SNX18: variants seen among roughly 807,000 people sequenced by gnomAD.
SNX18 encodes the protein sorting nexin-18.
SNX18 carries 35 observed loss-of-function variants against 48.7 expected under a neutral mutation model. The ratio of observed to expected loss-of-function variants is 0.72; its 90% CI spans 0.55 to 0.95. The LOEUF (loss-of-function observed/expected upper bound fraction) is 0.95, where lower values mean the gene tolerates loss of function less well. SNX18 is among the 40% of genes least tolerant of loss of function. The pLI, the probability that SNX18 is intolerant of heterozygous loss-of-function variation, is 0.00. For missense variants in SNX18, 824 were observed against 871.0 expected, an observed-to-expected ratio of 0.95 and a Z score of 0.68; for synonymous variants, 492 against 384.7, an observed-to-expected ratio of 1.28 and a Z score of -3.26.
intron 1 of SNX18, among the ~76,000 whole-genome samples, chr5:54,536,737 A>G (rs556668474): frequency 5.9e-5 from 9 of 152,348 alleles, no homozygotes; most frequent in African/African-American, 1.9e-4. Context: ...TCCTTTGGAT[A>G]TATACCCAGT....
the SNX18 span, among the ~76,000 whole-genome samples, chr5:54,584,046 CTTTTTT>C: frequency 9.0e-6 from 1 of 110,650 alleles, no homozygotes; most frequent in African/African-American, 3.4e-5. Context: ...GTGTGTAGCT[CTTTTTT>C]TTTTTTTTTT....
the SNX18 span, among the ~76,000 whole-genome samples, chr5:54,623,989 C>T: frequency 5.3e-5 from 8 of 152,080 alleles, no homozygotes; most frequent in African/African-American, 1.7e-4. Context: ...TTAAAGTGTG[C>T]TCAGTTCATT....
the SNX18 span, among the ~76,000 whole-genome samples, chr5:54,630,460 G>C: frequency 3.9e-5 from 6 of 152,134 alleles, no homozygotes; most frequent in Non-Finnish European, 7.4e-5. Flanking sequence ...CCATCTTGGC[G>C]AAAGTGCTGC....
rs1761910289 is a variant in SNX18, at chr5:54,518,176, C to T, written c.224C>T (p.Pro75Leu). 2 of 1,385,002 alleles carry T rather than the reference C, an allele frequency of 1.4e-6. No individual in the cohort carries two copies. Among genetic ancestry groups the T allele is most frequent in the Non-Finnish European group, 1.9e-6 (2 of 1,077,438 alleles). 85.8% of individuals were successfully genotyped at this position (1,385,002 alleles called of 1,614,324 possible). The change falls in exon 1 of 2, where the codon CCG becomes CTG. Residue 75 changes from proline to leucine, a missense_variant. This residue lies in a region of SNX18 where 377 missense variants were observed against 350.6 expected (regional missense o/e 1.08). Coordinates refer to ENST00000381410, the MANE Select transcript of SNX18 (RefSeq NM_001102575.2). Reference sequence around the variant, plus strand: ...GCGGGAGACGGCGGCCCGGGCGCCCCGGCCCGCTACGCCAATGTGCCCCCC... The same window carrying T: ...GCGGGAGACGGCGGCCCGGGCGCCCTGGCCCGCTACGCCAATGTGCCCCCC... ...GPAGDGGPGAPARYANVPPGG... is the reference protein window; with the variant it reads ...GPAGDGGPGALARYANVPPGG...
At chr5:54,602,145 G>T in the SNX18 span, among the ~76,000 whole-genome samples, 4 of 152,202 alleles carry the variant, frequency 2.6e-5, no homozygotes, top group Admixed American at 2.0e-4. Context: ...CCCTGGCAGT[G>T]ATAAAGTGTT....
the SNX18 span, among the ~76,000 whole-genome samples, chr5:54,630,690 C>T: frequency 5.9e-5 from 9 of 151,990 alleles, no homozygotes; most frequent in African/African-American, 2.2e-4. Flanking sequence ...AAAAATTAGC[C>T]GGGCATGGTG....
At chr5:54,585,493 TCTTCTGTCACACTGA>T in the SNX18 span, among the ~76,000 whole-genome samples, 2 of 152,044 alleles carry the variant, frequency 1.3e-5, no homozygotes, top group Non-Finnish European at 2.9e-5. Context: ...AGCCTGCTGG[TCTTCTGTCACACTGA>T]CTTCTGCGAT....
At position 54,544,210 on chromosome 5, in the gene SNX18, T is replaced by C. The variant is rs890087043; in HGVS notation, c.*778T>C. ...CCTTAGATGCAACAGTAGCATAGCC[T>C]CTTCACCCAGGCGTCCCAAAAGCTT... On this transcript the variant is annotated 3_prime_UTR_variant, in exon 2 of 2. Coordinates refer to ENST00000381410, the MANE Select transcript of SNX18 (RefSeq NM_001102575.2). 2.6e-5 allele frequency: 4 copies of C among 152,134 alleles called. No individual in the cohort carries two copies. Among genetic ancestry groups the C allele is most frequent in the Admixed American group, 2.0e-4 (3 of 15,274 alleles). The allele number at this position is 152,134 out of a possible 1,614,324, so 9.4% of individuals were successfully genotyped here.
chr5:54,638,761 A>G, the SNX18 span, among the ~76,000 whole-genome samples: 2 of 152,186 alleles, frequency 1.3e-5, no homozygotes, highest in African/African-American at 4.8e-5. Flanking sequence ...AGATAAAGAA[A>G]ACAAGCATAG....
chr5:54,591,274 G>A, the SNX18 span, among the ~76,000 whole-genome samples: 1 of 151,978 alleles, frequency 6.6e-6, no homozygotes. Context: ...CAACCTCCTG[G>A]GTTCAAGCAA....
the SNX18 span, among the ~76,000 whole-genome samples, chr5:54,552,575 C>G: frequency 6.6e-6 from 1 of 152,186 alleles, no homozygotes; most frequent in Non-Finnish European, 1.5e-5. Context: ...CACCCCAGTG[C>G]CAGCACACAT....
At chr5:54,524,596 G>A (rs544083138) in intron 1 of SNX18, among the ~76,000 whole-genome samples, 2 of 152,298 alleles carry the variant, frequency 1.3e-5, no homozygotes, top group South Asian at 4.1e-4. Context: ...ATTACCCCAT[G>A]TATTTTTAAA....
At chr5:54,644,908 T>G in the SNX18 span, 1 of 152,216 alleles carries the variant, frequency 6.6e-6, no homozygotes, top group Non-Finnish European at 1.5e-5. Context: ...TTAAACTCTA[T>G]CTGGCTCAAG....
Position 54,517,867 on chromosome 5 carries a change from AG to A in SNX18, c.-83del, listed in dbSNP as rs1761894314. 7.6e-7 allele frequency: 1 copy of A among 1,313,480 alleles called. No homozygotes were observed. The highest frequency in any genetic ancestry group is 1.8e-5 in the South Asian group (1 of 54,310). The allele number at this position is 1,313,480 out of a possible 1,614,324, so 81.4% of individuals were successfully genotyped here. On this transcript the variant is annotated 5_prime_UTR_variant, in exon 1 of 2. Transcript: ENST00000381410. ...CCTTCGGGGCTCCAGTCCGCGCGCCAGGGCTCGAGCAGTACCGCGGGCCCCT... is the reference window on the plus strand; with the variant it reads ...CCTTCGGGGCTCCAGTCCGCGCGCCAGGCTCGAGCAGTACCGCGGGCCCCT...
chr5:54,600,005 G>T, the SNX18 span, among the ~76,000 whole-genome samples: 1 of 152,088 alleles, frequency 6.6e-6, no homozygotes, highest in Non-Finnish European at 1.5e-5. Context: ...TTAAACTAAA[G>T]AATTTCTGCA....
the SNX18 span, among the ~76,000 whole-genome samples, chr5:54,628,254 G>A: frequency 6.6e-6 from 1 of 152,132 alleles, no homozygotes; most frequent in Non-Finnish European, 1.5e-5. Context: ...CAGTGAAAGG[G>A]AACCACTTTG....
At chr5:54,613,892 T>G in the SNX18 span, among the ~76,000 whole-genome samples, 1 of 152,128 alleles carries the variant, frequency 6.6e-6, no homozygotes, top group Admixed American at 6.5e-5. Context: ...ATGGGGTTTC[T>G]CCATGTTGGT....
the SNX18 span, among the ~76,000 whole-genome samples, chr5:54,565,715 TCTAA>T: frequency 6.6e-6 from 1 of 152,228 alleles, no homozygotes; most frequent in Non-Finnish European, 1.5e-5. Context: ...AGGTCATATT[TCTAA>T]CTGTTATCAG....
chr5:54,571,038 G>T, the SNX18 span, among the ~76,000 whole-genome samples: 2 of 152,196 alleles, frequency 1.3e-5, no homozygotes, highest in South Asian at 2.1e-4. Context: ...GACGACCATG[G>T]AAACATACTC....
Sources: allele counts gnomAD v4.1 joint callset (sites outside exome capture counted in the v4.1 genomes callset), GRCh38; gene constraint gnomAD v4.1.1; regional missense constraint gnomAD v4.1.1; transcripts MANE v1.5; gene names NCBI Gene and HGNC (gene_info 2026-07-23, HGNC 2026-07-21).